Variants in AUTS2 observed in about 807,000 individuals in gnomAD.
The protein encoded by AUTS2 is activator of transcription and developmental regulator AUTS2.
AUTS2 carries 17 observed loss-of-function variants against 112.4 expected under a neutral mutation model. The observed-to-expected ratio is 0.15, with a 90% confidence interval of 0.10 to 0.23. The LOEUF is 0.23. Among genes scored for constraint, AUTS2 ranks in the 10% least tolerant of loss-of-function variants. The pLI, the probability that AUTS2 is intolerant of heterozygous loss-of-function variation, is 1.00. For synonymous variants in AUTS2, 751 were observed against 702.7 expected, an observed-to-expected ratio of 1.07 and a Z score of -1.09; for missense variants, 1,510 against 1,701.6, an observed-to-expected ratio of 0.89 and a Z score of 1.98.
intron 1 of AUTS2, among the ~76,000 whole-genome samples, chr7:69,842,207 G>T (rs796979381): frequency 4.6e-5 from 7 of 152,206 alleles, no homozygotes; most frequent in African/African-American, 1.4e-4. Context: ...CTAGAAATAT[G>T]TTGGCATCTT....
intron 2 of AUTS2, among the ~76,000 whole-genome samples, chr7:69,975,726 C>T (rs186300485): frequency 6.6e-6 from 1 of 151,490 alleles, no homozygotes; most frequent in Non-Finnish European, 1.5e-5. Flanking sequence ...TCTGCTCGGT[C>T]CCCCAGGCTG....
intron 2 of AUTS2, among the ~76,000 whole-genome samples, chr7:69,953,527 G>A (rs1304414386): frequency 6.6e-6 from 1 of 152,180 alleles, no homozygotes; most frequent in Non-Finnish European, 1.5e-5. Context: ...TTTTCATTCT[G>A]ATGGTTGAGT....
intron 5 of AUTS2, among the ~76,000 whole-genome samples, chr7:70,442,963 C>T (rs1277550814): frequency 6.6e-6 from 1 of 152,074 alleles, no homozygotes; most frequent in Non-Finnish European, 1.5e-5. Flanking sequence ...TGATACTATC[C>T]TTGGATTAAA....
intron 5 of AUTS2, among the ~76,000 whole-genome samples, chr7:70,622,342 G>T (rs1226147835): frequency 6.6e-6 from 1 of 152,096 alleles, no homozygotes; most frequent in Non-Finnish European, 1.5e-5. Context: ...ACCTCATCCT[G>T]CCGTCTAGAC....
At chr7:70,335,545 A>G (rs1312910422) in intron 4 of AUTS2, among the ~76,000 whole-genome samples, 1 of 152,186 alleles carries the variant, frequency 6.6e-6, no homozygotes, top group Admixed American at 6.5e-5. Flanking sequence ...CTATTAACCT[A>G]AGTGCATAGG....
At chr7:70,300,051 G>A (rs963304977) in intron 4 of AUTS2, among the ~76,000 whole-genome samples, 1 of 152,098 alleles carries the variant, frequency 6.6e-6, no homozygotes, top group Non-Finnish European at 1.5e-5. Flanking sequence ...CATATGAATA[G>A]TCCACTGCAT....
chr7:70,374,516 T>C (rs1049905040), intron 4 of AUTS2, among the ~76,000 whole-genome samples: 1 of 152,184 alleles, frequency 6.6e-6, no homozygotes, highest in Non-Finnish European at 1.5e-5. Flanking sequence ...AAACTTGCAG[T>C]CAATTGCTTG....
chr7:70,283,182 C>T (rs999184224), intron 4 of AUTS2, among the ~76,000 whole-genome samples: 1 of 152,144 alleles, frequency 6.6e-6, no homozygotes, highest in African/African-American at 2.4e-5. Context: ...AAGTGGCTTA[C>T]ATATGGGTGG....
chr7:69,737,363 T>A (rs1275600119), intron 1 of AUTS2, among the ~76,000 whole-genome samples: 3 of 152,164 alleles, frequency 2.0e-5, no homozygotes, highest in Non-Finnish European at 4.4e-5. Flanking sequence ...TTATCCTAAT[T>A]GTATAGATGA....
intron 5 of AUTS2, among the ~76,000 whole-genome samples, chr7:70,444,922 A>ATT (rs1455285197): frequency 6.6e-6 from 1 of 152,138 alleles, no homozygotes; most frequent in African/African-American, 2.4e-5. Flanking sequence ...TGAAGTTCCT[A>ATT]ATTTCCTGGT....
intron 1 of AUTS2, among the ~76,000 whole-genome samples, chr7:69,861,449 G>A (rs1293514291): frequency 5.3e-5 from 8 of 152,094 alleles, no homozygotes; most frequent in Admixed American, 5.2e-4. Flanking sequence ...CCATCTCACA[G>A]TTATAAAGGT....
intron 4 of AUTS2, among the ~76,000 whole-genome samples, chr7:70,239,052 A>C (rs944849406): frequency 6.6e-6 from 1 of 152,232 alleles, no homozygotes; most frequent in African/African-American, 2.4e-5. Context: ...TTCGTTGAGC[A>C]GATACTATTT....
intron 5 of AUTS2, among the ~76,000 whole-genome samples, chr7:70,589,801 C>T (rs1244643505): frequency 1.3e-5 from 2 of 152,130 alleles, no homozygotes; most frequent in African/African-American, 4.8e-5. Context: ...ACTCATCACC[C>T]CAAGCTCCAG....
chr7:70,231,675 C>T (rs928062178), intron 4 of AUTS2, among the ~76,000 whole-genome samples: 2 of 152,142 alleles, frequency 1.3e-5, no homozygotes, highest in African/African-American at 4.8e-5. Context: ...AATCTCCTGA[C>T]CTCGTGATCT....
chr7:69,956,684 C>G (rs1651493440), intron 2 of AUTS2, among the ~76,000 whole-genome samples: 1 of 152,104 alleles, frequency 6.6e-6, no homozygotes, highest in African/African-American at 2.4e-5. Flanking sequence ...ATCACTCGGG[C>G]TGTGAAACAG....
chr7:70,745,110 G>A (rs1360928871), intron 6 of AUTS2, among the ~76,000 whole-genome samples: 1 of 151,990 alleles, frequency 6.6e-6, no homozygotes, highest in Non-Finnish European at 1.5e-5. Context: ...ATACGTTTCT[G>A]TATTGTATCA....
rs1394443212 is a variant in AUTS2, at chr7:69,921,709, C to A, written c.522+22211C>A. Among the ~76,000 whole-genome samples the A allele has an allele frequency of 2.0e-5, 3 of 147,654 alleles. No individual in the cohort carries two copies. The East Asian group carries it at 6.0e-4, about 30-fold the overall frequency. On this transcript the variant is annotated intron_variant, in intron 2 of 18. Coordinates refer to ENST00000342771, the MANE Select transcript of AUTS2 (RefSeq NM_015570.4). ...TTGCTTGAACCCAGGAGGCAGTGAG[C>A]CGAGATCACACCACTGCACTGTAGC...
At chr7:69,626,889 C>A (rs1793978135) in intron 1 of AUTS2, among the ~76,000 whole-genome samples, 1 of 152,052 alleles carries the variant, frequency 6.6e-6, no homozygotes, top group Non-Finnish European at 1.5e-5. Context: ...TTTCTTTGGT[C>A]TGTTGAATTA....
At chr7:69,761,381 G>A (rs1788178359) in intron 1 of AUTS2, among the ~76,000 whole-genome samples, 1 of 152,166 alleles carries the variant, frequency 6.6e-6, no homozygotes, top group Admixed American at 6.5e-5. Flanking sequence ...CATACAGCTT[G>A]TTATTAAGGT....
Sources: allele counts gnomAD v4.1 joint callset (sites outside exome capture counted in the v4.1 genomes callset), GRCh38; gene constraint gnomAD v4.1.1; transcripts MANE v1.5; gene names NCBI Gene and HGNC (gene_info 2026-07-23, HGNC 2026-07-21).